The following KDM4B variants were observed in gnomAD, a reference collection of about 807,000 sequenced individuals.
KDM4B encodes the protein lysine demethylase 4B.
A neutral mutation model predicts 125.2 loss-of-function variants in KDM4B; 32 were observed. The ratio of observed to expected loss-of-function variants is 0.26; its 90% CI spans 0.19 to 0.34. KDM4B has a LOEUF of 0.34. Among genes scored for constraint, KDM4B ranks in the 10% least tolerant of loss-of-function variants. KDM4B has a pLI of 1.00. For synonymous variants in KDM4B, 721 were observed against 677.9 expected (o/e 1.06, Z -0.99); for missense variants, 1,190 against 1,577.7 (o/e 0.75, Z 4.16).
Position 5,115,898 on chromosome 19 carries a change from T to C in KDM4B, c.1116-3755T>C, listed in dbSNP as rs1177741297. On this transcript the variant is annotated intron_variant, in intron 10 of 22. Transcript: ENST00000159111. The surrounding 1 kb of genome is among the most constrained non-coding windows in gnomAD (Gnocchi z 4.2). ...GGATCAGGAAGTCAGAGGCGTAGTC[T>C]AGGAAATCTAGCCCCTGATAGGAGT... 6.6e-6 allele frequency among the ~76,000 whole-genome samples: 1 copy of C among 152,098 alleles called. No individual in the cohort carries two copies. The highest frequency in any genetic ancestry group is 1.5e-5 in the Non-Finnish European group (1 of 68,026).
chr19:5,061,838 A>AC (rs1229899337), intron 6 of KDM4B, among the ~76,000 whole-genome samples: 5 of 151,954 alleles, frequency 3.3e-5, no homozygotes, highest in Non-Finnish European at 7.4e-5. Flanking sequence ...TAAAAAAAAA[A>AC]AACAAAAAAC....
At chr19:5,012,844 C>T (rs117106113) in intron 1 of KDM4B, among the ~76,000 whole-genome samples, 1 of 152,350 alleles carries the variant, frequency 6.6e-6, no homozygotes, top group East Asian at 1.9e-4. Context: ...GGATGCTGCC[C>T]CCGACTTTCC....
intron 7 of KDM4B, among the ~76,000 whole-genome samples, 163 bp downstream of exon 7, chr19:5,071,222 C>T (rs979517382): frequency 1.2e-4 from 18 of 152,198 alleles, no homozygotes; most frequent in Middle Eastern, 3.2e-3. Context: ...TTTTCCATTT[C>T]CTCCCACCCT....
intron 2 of KDM4B, among the ~76,000 whole-genome samples, chr19:5,017,586 T>A (rs978371659): frequency 6.6e-6 from 1 of 152,254 alleles, no homozygotes; most frequent in African/African-American, 2.4e-5. Context: ...CAGGTCTGTC[T>A]GTGCCTCCTG....
intron 1 of KDM4B, among the ~76,000 whole-genome samples, chr19:4,973,558 G>A (rs1044538979): frequency 6.6e-6 from 1 of 152,120 alleles, no homozygotes; most frequent in African/African-American, 2.4e-5. Context: ...AAGAAAATTT[G>A]TATCTTCCCA....
At chr19:5,146,059 C>A in intron 21 of KDM4B, among the ~76,000 whole-genome samples, 1 of 149,504 alleles carries the variant, frequency 6.7e-6, no homozygotes, top group South Asian at 2.1e-4. Flanking sequence ...AGGCCGGCCC[C>A]GCCCGGTCAC....
chr19:5,039,901 G>C lies in KDM4B; in HGVS notation c.207G>C (p.Pro69=). The part of the protein sequence containing the change: ...TYDDIDDVVI[P]APIQQVVTGQ... The stretch of plus-strand genomic sequence containing the variant: ...ATGACATCGACGACGTGGTGATCCC[G>C]GCGCCCATCCAGCAGGTGGTGACGG... The change falls in exon 4 of 23, where the codon CCG becomes CCC. Residue 69 remains proline (P), a synonymous_variant. Coordinates refer to ENST00000159111, the MANE Select transcript of KDM4B (RefSeq NM_015015.3). 1 of 1,612,982 alleles carries C rather than the reference G, an allele frequency of 6.2e-7. No homozygotes were observed. The highest frequency in any genetic ancestry group is 1.7e-5 in the Admixed American group (1 of 60,004).
At chr19:5,000,615 A>G (rs575707636) in intron 1 of KDM4B, among the ~76,000 whole-genome samples, 1 of 152,242 alleles carries the variant, frequency 6.6e-6, no homozygotes. Flanking sequence ...GTAGGAGCCA[A>G]TATTTCTTTT....
intron 18 of KDM4B, among the ~76,000 whole-genome samples, chr19:5,139,844 G>A (rs988423151): frequency 1.2e-4 from 19 of 152,210 alleles, no homozygotes; most frequent in Non-Finnish European, 1.8e-4. Flanking sequence ...GTAGATGCGC[G>A]CAGCCACCTT....
chr19:5,091,428 G>A (rs140813046), intron 9 of KDM4B, among the ~76,000 whole-genome samples: 2 of 152,248 alleles, frequency 1.3e-5, no homozygotes, highest in Non-Finnish European at 2.9e-5. Context: ...GGCAGGGAGA[G>A]CTTCTGCTGA....
intron 7 of KDM4B, chr19:5,075,535 T>C (rs1338505677): frequency 2.6e-5 from 4 of 152,244 alleles, no homozygotes; most frequent in Admixed American, 6.5e-5. Flanking sequence ...TCTCCAACTC[T>C]TGGCCTCAAG....
intron 1 of KDM4B, among the ~76,000 whole-genome samples, chr19:4,976,965 T>C (rs951317151): frequency 6.6e-6 from 1 of 152,256 alleles, no homozygotes; most frequent in Admixed American, 6.5e-5. Flanking sequence ...AAATAAACAA[T>C]CTGGAGAGGC....
intron 3 of KDM4B, 21 bp downstream of exon 3, chr19:5,033,052 A>G: frequency 6.2e-7 from 1 of 1,609,794 alleles, no homozygotes; most frequent in Non-Finnish European, 8.5e-7. Context: ...TCCTGGCCCC[A>G]GCGCGGCCCT....
chr19:5,144,567 GC>G (rs978759408), intron 20 of KDM4B, among the ~76,000 whole-genome samples, 155 bp downstream of exon 20: 3 of 152,150 alleles, frequency 2.0e-5, no homozygotes, highest in African/African-American at 7.2e-5. Flanking sequence ...TGTCCTCAGG[GC>G]CCCAGGCCCC....
chr19:5,072,895 G>C (rs932857897), intron 7 of KDM4B, among the ~76,000 whole-genome samples: 4 of 152,118 alleles, frequency 2.6e-5, no homozygotes, highest in Non-Finnish European at 5.9e-5. Context: ...CTCGGTCCCA[G>C]GGGAGAACCC....
At chr19:4,976,553 A>G (rs2034452322) in intron 1 of KDM4B, among the ~76,000 whole-genome samples, 1 of 152,230 alleles carries the variant, frequency 6.6e-6, no homozygotes, top group Non-Finnish European at 1.5e-5. Context: ...TAAAAGGAAG[A>G]CAGCATTGCA....
intron 1 of KDM4B, among the ~76,000 whole-genome samples, chr19:4,998,540 T>A (rs573778313): frequency 2.6e-5 from 4 of 152,198 alleles, no homozygotes; most frequent in Non-Finnish European, 4.4e-5. Flanking sequence ...TGACATCCCT[T>A]TACCTCTCCT....
At chr19:5,039,314 G>A (rs923972433) in intron 3 of KDM4B, among the ~76,000 whole-genome samples, 4 of 152,164 alleles carry the variant, frequency 2.6e-5, no homozygotes, top group African/African-American at 9.7e-5. Context: ...AATTAGCTGG[G>A]CATGGTGGTG....
chr19:5,101,952 G>A (rs2038944269), intron 9 of KDM4B, among the ~76,000 whole-genome samples: 1 of 152,156 alleles, frequency 6.6e-6, no homozygotes, highest in South Asian at 2.1e-4. Flanking sequence ...ACCTTCTCTG[G>A]CCTCCCCAGT....
Sources: gnomAD v4.1 joint callset for allele counts (sites outside exome capture counted in the v4.1 genomes callset) on GRCh38, gnomAD v4.1.1 for gene constraint, Gnocchi (gnomAD v3.1) non-coding constraint, MANE v1.5 for transcripts, NCBI Gene and HGNC (gene_info 2026-07-23, HGNC 2026-07-21) for gene names.